KCNIP4: variants seen among roughly 807,000 people sequenced by gnomAD.
The protein encoded by KCNIP4 is Kv channel-interacting protein 4.
A neutral mutation model predicts 34.0 loss-of-function variants in KCNIP4; 12 were observed. The observed-to-expected ratio is 0.35, with a 90% CI of 0.23 to 0.57. The LOEUF (loss-of-function observed/expected upper bound fraction) is 0.57. KCNIP4 is among the 20% of genes least tolerant of loss of function. The pLI is 0.83. For missense variants in KCNIP4, 238 were observed against 311.7 expected (o/e 0.76, Z 1.78); for synonymous variants, 124 against 102.2 (o/e 1.21, Z -1.29).
chr4:21,223,093 T>A (rs1266689557), intron 1 of KCNIP4, among the ~76,000 whole-genome samples: 1 of 152,212 alleles, frequency 6.6e-6, no homozygotes, highest in Non-Finnish European at 1.5e-5. Context: ...CTAAGTTAAC[T>A]ATCTCAAGAT....
At chr4:20,979,524 G>A (rs1735844960) in intron 1 of KCNIP4, among the ~76,000 whole-genome samples, 2 of 151,010 alleles carry the variant, frequency 1.3e-5, no homozygotes, top group Non-Finnish European at 2.9e-5. Context: ...TCAGCCTCCC[G>A]AGTAGCTGGG....
At chr4:21,102,019 C>G (rs777537453) in intron 1 of KCNIP4, among the ~76,000 whole-genome samples, 4 of 152,114 alleles carry the variant, frequency 2.6e-5, no homozygotes, top group Non-Finnish European at 2.9e-5. Context: ...GTACCTAAAT[C>G]ACAAGAATGA....
chr4:21,484,726 C>A (rs1295466111), intron 1 of KCNIP4, among the ~76,000 whole-genome samples: 1 of 152,104 alleles, frequency 6.6e-6, no homozygotes, highest in South Asian at 2.1e-4. Flanking sequence ...CTGTCCTGGC[C>A]CAACTTGGCA....
chr4:21,303,992 G>A lies in KCNIP4; in HGVS notation c.62-421283C>T, dbSNP rs1712055307. On this transcript the variant is annotated intron_variant, in intron 1 of 8. Transcript: ENST00000382152. ...TTGTAAAGCCATTAAACTACATTAA[G>A]AAGGCTACTGCTGGAGAAAGGGGAG... 2.2e-6 allele frequency: 3 copies of A among 1,374,016 alleles called. 1 individual carries two copies. The highest frequency in any genetic ancestry group is 2.0e-5 in the Admixed American group (1 of 49,260). 85.1% of individuals were successfully genotyped at this position (1,374,016 alleles called of 1,614,324 possible).
At chr4:21,863,692 G>C (rs77705224) in intron 1 of KCNIP4, among the ~76,000 whole-genome samples, 14,224 of 152,128 alleles carry the variant, frequency 0.094, 873 homozygotes, top group Non-Finnish European at 0.13. Flanking sequence ...ACAAAAAGTA[G>C]AAAGGAGAAA....
intron 1 of KCNIP4, among the ~76,000 whole-genome samples, chr4:20,976,787 A>C (rs982265547): frequency 2.6e-5 from 4 of 152,202 alleles, no homozygotes; most frequent in African/African-American, 4.8e-5. Flanking sequence ...TCAATATAAC[A>C]ACAAGAGCAC....
At position 21,097,409 on chromosome 4, in the gene KCNIP4, AT is replaced by A. The variant is rs548234805; in HGVS notation, c.62-214701del. On this transcript the variant is annotated intron_variant, in intron 1 of 8. Transcript: ENST00000382152. ...TTTTATTGTGCCTTGCAGATACCAC[AT>A]TTTTTTTACAAACTAAAGATTTTTG... 4.3e-4 allele frequency among the ~76,000 whole-genome samples: 66 copies of A among 152,092 alleles called. No homozygotes were observed. The South Asian group carries it at 8.7e-3, about 20-fold the overall frequency.
intron 3 of KCNIP4, among the ~76,000 whole-genome samples, chr4:20,847,150 C>T (rs1428812513): frequency 1.3e-5 from 2 of 152,080 alleles, no homozygotes; most frequent in East Asian, 1.9e-4. Flanking sequence ...TATAATAACT[C>T]CTTTTTATTG....
chr4:21,824,938 A>G (rs1722584768), intron 1 of KCNIP4, among the ~76,000 whole-genome samples: 2 of 152,180 alleles, frequency 1.3e-5, no homozygotes, highest in South Asian at 2.1e-4. Flanking sequence ...TGGCCAAACT[A>G]TAATATTGCA....
intron 1 of KCNIP4, among the ~76,000 whole-genome samples, chr4:21,301,217 T>A (rs1711642391): frequency 6.6e-6 from 1 of 152,130 alleles, no homozygotes; most frequent in Non-Finnish European, 1.5e-5. Context: ...ATTTAAACTT[T>A]TATATTACCA....
rs73802403 is a variant in KCNIP4 at position 21,035,929 on chromosome 4, A to G, written c.62-153220T>C. On this transcript the variant is annotated intron_variant, in intron 1 of 8. Coordinates refer to ENST00000382152, the MANE Select transcript of KCNIP4 (RefSeq NM_025221.6). ...ATAATATCTTCTAGCCAGATTGATTAGTTGAGGGAGGAAGACAGCCTAGCT... is the reference window on the plus strand; with the variant it reads ...ATAATATCTTCTAGCCAGATTGATTGGTTGAGGGAGGAAGACAGCCTAGCT... 3.8e-3 allele frequency among the ~76,000 whole-genome samples: 575 copies of G among 152,280 alleles called. 4 individuals carry two copies. The highest frequency in any genetic ancestry group is 0.013 in the African/African-American group (526 of 41,564).
At chr4:21,545,568 T>C (rs192094514) in intron 1 of KCNIP4, among the ~76,000 whole-genome samples, 63 of 152,210 alleles carry the variant, frequency 4.1e-4, no homozygotes, top group Non-Finnish European at 6.5e-4. Flanking sequence ...CGGTGAGAGA[T>C]ATTCCCCTCC....
chr4:21,683,909 A>T (rs1750604570), intron 1 of KCNIP4, among the ~76,000 whole-genome samples: 1 of 152,062 alleles, frequency 6.6e-6, no homozygotes, highest in Non-Finnish European at 1.5e-5. Context: ...CTCACTTCTA[A>T]GTGGGAGCTA....
intron 1 of KCNIP4, among the ~76,000 whole-genome samples, chr4:20,908,687 C>G (rs952285796): frequency 1.3e-5 from 2 of 152,150 alleles, no homozygotes; most frequent in Non-Finnish European, 2.9e-5. Flanking sequence ...CCCCTGATAT[C>G]CCTGTTACTG....
intron 1 of KCNIP4, among the ~76,000 whole-genome samples, chr4:21,159,038 TAC>T: frequency 6.6e-6 from 1 of 152,250 alleles, no homozygotes; most frequent in East Asian, 1.9e-4. Flanking sequence ...CAAATTGATT[TAC>T]AGAGTCAATA....
At chr4:21,827,684 TAAC>T (rs986994699) in intron 1 of KCNIP4, among the ~76,000 whole-genome samples, 29 of 151,970 alleles carry the variant, frequency 1.9e-4, no homozygotes, top group African/African-American at 6.5e-4. Flanking sequence ...AAAAATAAGA[TAAC>T]AAGCAAATTC....
chr4:20,943,013 G>T (rs1174251765), intron 1 of KCNIP4, among the ~76,000 whole-genome samples: 3 of 152,090 alleles, frequency 2.0e-5, no homozygotes, highest in Non-Finnish European at 4.4e-5. Context: ...TTTTCCTTGA[G>T]GTTGTTGACT....
intron 3 of KCNIP4, among the ~76,000 whole-genome samples, chr4:20,765,683 G>A (rs575255009): frequency 1.3e-5 from 2 of 152,120 alleles, no homozygotes; most frequent in African/African-American, 4.8e-5. Flanking sequence ...TCTGCTGGCT[G>A]GTATACTTAT....
intron 1 of KCNIP4, among the ~76,000 whole-genome samples, chr4:21,694,523 A>G (rs536001234): frequency 6.6e-6 from 1 of 152,146 alleles, no homozygotes; most frequent in Non-Finnish European, 1.5e-5. Flanking sequence ...ATGATAAAAA[A>G]TATGTAGGAA....
Sources: allele counts gnomAD v4.1 joint callset (sites outside exome capture counted in the v4.1 genomes callset), GRCh38; gene constraint gnomAD v4.1.1; transcripts MANE v1.5; gene names NCBI Gene and HGNC (gene_info 2026-07-23, HGNC 2026-07-21).